The following POLA1 variants were observed in gnomAD, a reference collection of about 807,000 sequenced individuals.
POLA1 encodes the protein DNA polymerase alpha 1, catalytic subunit.
A neutral mutation model predicts 124.0 loss-of-function variants in POLA1; 15 were observed. That is an observed-to-expected ratio of 0.12 (90% CI 0.08 to 0.19). The LOEUF is 0.19. POLA1 is among the 10% of genes least tolerant of loss of function. The pLI is 1.00. For missense variants in POLA1, 886 were observed against 1,103.4 expected, an observed-to-expected ratio of 0.80 and a Z score of 2.79; for synonymous variants, 408 against 389.4, an observed-to-expected ratio of 1.05 and a Z score of -0.56.
intron 34 of POLA1, among the ~76,000 whole-genome samples, chrX:24,859,965 A>G (rs1361634839): frequency 8.9e-6 from 1 of 112,588 alleles, no homozygotes; most frequent in East Asian, 2.8e-4. Flanking sequence ...ACACATACAC[A>G]TATTTTGCAG....
At chrX:24,768,593 CAAGTG>C (rs1416855760) in intron 26 of POLA1, among the ~76,000 whole-genome samples, 1 of 112,074 alleles carries the variant, frequency 8.9e-6, no homozygotes, top group Non-Finnish European at 1.9e-5. Context: ...TTGTTTAAAA[CAAGTG>C]AAGGGGATAA....
At chrX:24,919,438 T>A (rs1289312362) in intron 35 of POLA1, among the ~76,000 whole-genome samples, 3 of 111,371 alleles carry the variant, frequency 2.7e-5, no homozygotes, top group Non-Finnish European at 5.7e-5. Flanking sequence ...TGAGGTCATG[T>A]TCCCCCCCAC....
At chrX:24,862,116 T>C (rs2046723878) in intron 34 of POLA1, among the ~76,000 whole-genome samples, 1 of 111,876 alleles carries the variant, frequency 8.9e-6, no homozygotes, top group Non-Finnish European at 1.9e-5. Context: ...CCAGAAAATG[T>C]ATATTAGTGA....
chrX:24,813,811 C>CAA (rs553323828), intron 29 of POLA1, among the ~76,000 whole-genome samples: 41 of 33,883 alleles, frequency 1.2e-3, no homozygotes, highest in East Asian at 2.2e-3. Context: ...GAGACGCCGT[C>CAA]AAAAAAAAAA....
intron 36 of POLA1, among the ~76,000 whole-genome samples, chrX:24,966,557 A>C (rs2048225910): frequency 3.6e-5 from 4 of 112,442 alleles, no homozygotes; most frequent in African/African-American, 9.7e-5. Context: ...GAGTGACAAA[A>C]TATGTTTTAA....
intron 36 of POLA1, among the ~76,000 whole-genome samples, chrX:24,958,857 C>G (rs913473918): frequency 3.6e-5 from 4 of 111,372 alleles, no homozygotes; most frequent in African/African-American, 1.3e-4. Context: ...TGTGCATTCT[C>G]CATGGATGAT....
chrX:24,883,794 CG>C (rs1462044344), intron 34 of POLA1, among the ~76,000 whole-genome samples: 1 of 111,887 alleles, frequency 8.9e-6, no homozygotes, highest in African/African-American at 3.2e-5. Context: ...AATAAAATTA[CG>C]TATTTGGATA....
chrX:24,793,863 G>A (rs2045556333), intron 26 of POLA1, among the ~76,000 whole-genome samples: 1 of 111,359 alleles, frequency 9.0e-6, no homozygotes, highest in Non-Finnish European at 1.9e-5. Flanking sequence ...GGGATTACAG[G>A]TGTGAGCCAC....
chrX:24,831,184 C>T (rs1429904670), intron 32 of POLA1, among the ~76,000 whole-genome samples: 2 of 110,760 alleles, frequency 1.8e-5, no homozygotes, highest in East Asian at 2.8e-4. Context: ...GAAATAAGTG[C>T]GACAGTGGGT....
intron 30 of POLA1, among the ~76,000 whole-genome samples, chrX:24,815,704 A>G (rs1239224311): frequency 7.1e-5 from 8 of 111,900 alleles, no homozygotes; most frequent in African/African-American, 2.3e-4. Context: ...GTACCCTTAT[A>G]TATTCAGAAG....
At chrX:24,942,943 C>T (rs1042717914) in intron 36 of POLA1, among the ~76,000 whole-genome samples, 3 of 112,161 alleles carry the variant, frequency 2.7e-5, no homozygotes, top group Non-Finnish European at 5.6e-5. Context: ...GCAATCCACC[C>T]GCCTTAGCCT....
chrX:24,910,703 A>G (rs1377896513), intron 35 of POLA1, among the ~76,000 whole-genome samples: 2 of 111,901 alleles, frequency 1.8e-5, no homozygotes, highest in Admixed American at 9.5e-5. Context: ...AAGAATAACA[A>G]ATAATTCTAA....
chrX:24,778,987 T>C (rs1246568485), intron 26 of POLA1, among the ~76,000 whole-genome samples: 1 of 112,385 alleles, frequency 8.9e-6, no homozygotes, highest in African/African-American at 3.2e-5. Flanking sequence ...TAGTCTGCTA[T>C]AAAAATAAGA....
chrX:24,819,685 C>T (rs113062271), intron 30 of POLA1, among the ~76,000 whole-genome samples: 84 of 110,631 alleles, frequency 7.6e-4, no homozygotes, highest in Non-Finnish European at 1.3e-3. Context: ...ATGTGCTGAA[C>T]GTGCAGGTTT....
chrX:24,938,267 T>G (rs1416173024), intron 36 of POLA1, among the ~76,000 whole-genome samples: 5 of 111,175 alleles, frequency 4.5e-5, no homozygotes, highest in Admixed American at 1.9e-4. Flanking sequence ...AGTAAAAAAA[T>G]TAGCCAGGCA....
chrX:24,849,230 C>T (rs1287137946), intron 34 of POLA1, among the ~76,000 whole-genome samples: 2 of 112,636 alleles, frequency 1.8e-5, no homozygotes, highest in Admixed American at 9.3e-5. Context: ...GATATCCATC[C>T]CACCCATTCA....
At chrX:24,952,434 G>A in intron 36 of POLA1, among the ~76,000 whole-genome samples, 1 of 111,634 alleles carries the variant, frequency 9.0e-6, no homozygotes, top group Middle Eastern at 4.6e-3. Context: ...TGTTTGACCT[G>A]TTTTGAGGTT....
At chrX:24,737,056 C>CT (rs1297501783) in intron 18 of POLA1, among the ~76,000 whole-genome samples, 1 of 111,409 alleles carries the variant, frequency 9.0e-6, no homozygotes, top group Non-Finnish European at 1.9e-5. Context: ...AGTTTTGTTT[C>CT]TTTGTTTTTA....
chrX:24,890,688 C>A (rs1471564547), intron 35 of POLA1, among the ~76,000 whole-genome samples: 1 of 112,448 alleles, frequency 8.9e-6, no homozygotes, highest in East Asian at 2.8e-4. Flanking sequence ...TGGACACTAT[C>A]ATTTATTTTT....
Sources: allele counts gnomAD v4.1 joint callset (sites outside exome capture counted in the v4.1 genomes callset), GRCh38; gene constraint gnomAD v4.1.1; transcripts MANE v1.5; gene names NCBI Gene and HGNC (gene_info 2026-07-23, HGNC 2026-07-21).